The following PFKFB3 variants were observed in gnomAD, a reference collection of about 807,000 sequenced individuals.
The protein encoded by PFKFB3 is 6-phosphofructo-2-kinase/fructose-2,6-biphosphatase 3.
In PFKFB3, 33 loss-of-function variants were observed where a neutral mutation model predicts 68.0. The ratio of observed to expected loss-of-function variants is 0.49; its 90% CI spans 0.37 to 0.65. PFKFB3 has a LOEUF of 0.65. PFKFB3 is among the 30% of genes least tolerant of loss of function. The pLI is 0.00. For synonymous variants in PFKFB3, 315 were observed against 288.2 expected (o/e 1.09, Z -0.94); for missense variants, 586 against 712.2 (o/e 0.82, Z 2.02).
chr10:6,282,748 T>C, the PFKFB3 span, among the ~76,000 whole-genome samples: 4 of 152,160 alleles, frequency 2.6e-5, no homozygotes. Context: ...ATTCAGAGGT[T>C]AGTGAGTTTA....
At chr10:6,209,571 T>G (rs1844020969) in intron 1 of PFKFB3, among the ~76,000 whole-genome samples, 1 of 151,962 alleles carries the variant, frequency 6.6e-6, no homozygotes, top group Admixed American at 6.6e-5. Flanking sequence ...CCTCCCAGGT[T>G]CAAGCGATTC....
the PFKFB3 span, chr10:6,293,577 A>G: frequency 5.0e-6 from 1 of 200,818 alleles, no homozygotes. Context: ...AACTCCTGAC[A>G]TAAGGTGATC....
chr10:6,219,460 T>G lies in PFKFB3; in HGVS notation c.499-109T>G. 2.5e-6 allele frequency: 3 copies of G among 1,210,718 alleles called. No homozygotes were observed. The South Asian group carries it at 3.7e-5, about 15-fold the overall frequency. The allele number at this position is 1,210,718 out of a possible 1,614,324, so 75.0% of individuals were successfully genotyped here. On this transcript the variant is annotated intron_variant, in intron 6 of 14. Coordinates refer to ENST00000379775, the MANE Select transcript of PFKFB3 (RefSeq NM_004566.4). ...TCTTACACGCTGGGCCGGATAATCT[T>G]TATACTGAGCCTTCTGTGCGCTCCC...
the PFKFB3 span, among the ~76,000 whole-genome samples, chr10:6,300,103 T>C: frequency 1.3e-5 from 2 of 150,352 alleles, no homozygotes; most frequent in Non-Finnish European, 3.0e-5. Context: ...TTAGTACCCA[T>C]GGTTTGGCAC....
the PFKFB3 span, among the ~76,000 whole-genome samples, chr10:6,266,892 A>T: frequency 6.6e-6 from 1 of 152,266 alleles, no homozygotes; most frequent in East Asian, 1.9e-4. Context: ...TGCCTCCATT[A>T]TGCTCACAGG....
At chr10:6,182,379 C>G (rs1399536429) in intron 1 of PFKFB3, among the ~76,000 whole-genome samples, 1 of 152,290 alleles carries the variant, frequency 6.6e-6, no homozygotes, top group Middle Eastern at 3.4e-3. Context: ...GTGTCACAAA[C>G]AAGTTGTCCT....
the PFKFB3 span, among the ~76,000 whole-genome samples, chr10:6,272,202 G>A: frequency 6.6e-6 from 1 of 152,242 alleles, no homozygotes; most frequent in Non-Finnish European, 1.5e-5. Flanking sequence ...GTGAATGGCT[G>A]ATGAAGGCAG....
chr10:6,324,767 A>C, the PFKFB3 span, among the ~76,000 whole-genome samples: 1 of 152,060 alleles, frequency 6.6e-6, no homozygotes, highest in Non-Finnish European at 1.5e-5. Flanking sequence ...TATAGACTTA[A>C]AAATGGTTAA....
At chr10:6,283,157 A>G in the PFKFB3 span, among the ~76,000 whole-genome samples, 1 of 152,152 alleles carries the variant, frequency 6.6e-6, no homozygotes, top group South Asian at 2.1e-4. Context: ...TGGTAGAAAC[A>G]GGGTTTCACC....
the PFKFB3 span, among the ~76,000 whole-genome samples, chr10:6,291,640 A>G: frequency 6.6e-6 from 1 of 152,184 alleles, no homozygotes; most frequent in Non-Finnish European, 1.5e-5. Context: ...TTCAGAAGAA[A>G]GAAGTTTCCA....
rs1304611050 is a variant in PFKFB3 at position 6,203,089 on chromosome 10, G to T, written c.-172G>T. Reference sequence around the variant, plus strand: ...AGCACACGTCGAGCCCCGCACAGGCGAGGGTCCGGAACTTAGCCCAAAGCA... The same window carrying T: ...AGCACACGTCGAGCCCCGCACAGGCTAGGGTCCGGAACTTAGCCCAAAGCA... On this transcript the variant is annotated 5_prime_UTR_variant, in exon 1 of 15. Coordinates refer to ENST00000379775, the MANE Select transcript of PFKFB3 (RefSeq NM_004566.4). 6.2e-5 allele frequency: 89 copies of T among 1,433,054 alleles called. No individual in the cohort carries two copies. In the Admixed American group the frequency reaches 1.7e-3, roughly 28 times the overall value. 88.8% of individuals were successfully genotyped at this position (1,433,054 alleles called of 1,614,324 possible).
In PFKFB3 at chr10:6,219,554, T is replaced by C. The variant is rs777842917; in HGVS notation, c.499-15T>C. The C allele has an allele frequency of 6.2e-7, 1 of 1,613,928 alleles. No homozygotes were observed. The highest frequency in any genetic ancestry group is 1.1e-5 in the South Asian group (1 of 91,078). On this transcript the variant is annotated splice_polypyrimidine_tract_variant and intron_variant, in intron 6 of 14. Coordinates refer to ENST00000379775, the MANE Select transcript of PFKFB3 (RefSeq NM_004566.4). ...TCCAGCGTGATTTATCAGCCACCCCTTTGTGGTGTTGCAGGAAGTTAAAAT... is the reference window on the plus strand; with the variant it reads ...TCCAGCGTGATTTATCAGCCACCCCCTTGTGGTGTTGCAGGAAGTTAAAAT...
chr10:6,260,249 A>T, the PFKFB3 span, among the ~76,000 whole-genome samples: 1 of 151,874 alleles, frequency 6.6e-6, no homozygotes, highest in African/African-American at 2.4e-5. Flanking sequence ...CGTCTCTACT[A>T]AAAATACAAA....
Position 6,206,800 on chromosome 10 carries a change from G to A in PFKFB3, c.76+3464G>A, listed in dbSNP as rs1270729163. 2.0e-4 allele frequency among the ~76,000 whole-genome samples: 19 copies of A among 95,392 alleles called. 1 individual carries two copies. Among genetic ancestry groups the A allele is most frequent in the Non-Finnish European group, 3.3e-4 (15 of 45,128 alleles). 62.6% of individuals were successfully genotyped at this position (95,392 alleles called of 152,430 possible). A position where few individuals can be genotyped will look rare whatever the true frequency, so the allele number is the denominator to read the frequency against. ...CAGAGGGGGTCCTCACATCCCAGACGATGGGCGGCCGGGCAGAGACGCTCC... is the reference window on the plus strand; with the variant it reads ...CAGAGGGGGTCCTCACATCCCAGACAATGGGCGGCCGGGCAGAGACGCTCC... On this transcript the variant is annotated intron_variant, in intron 1 of 14. Coordinates refer to ENST00000379775, the MANE Select transcript of PFKFB3 (RefSeq NM_004566.4).
intron 1 of PFKFB3, among the ~76,000 whole-genome samples, chr10:6,152,883 A>G (rs934242829): frequency 1.3e-5 from 2 of 152,046 alleles, no homozygotes; most frequent in African/African-American, 4.8e-5. Flanking sequence ...CTTGTCTTTA[A>G]AAAAAGGAAG....
intron 1 of PFKFB3, among the ~76,000 whole-genome samples, chr10:6,169,968 T>A (rs1386687407): frequency 6.6e-6 from 1 of 152,226 alleles, no homozygotes; most frequent in Non-Finnish European, 1.5e-5. Context: ...CTGGAAAGGC[T>A]TTACTTTTCC....
chr10:6,300,836 G>A, the PFKFB3 span, among the ~76,000 whole-genome samples: 3 of 152,186 alleles, frequency 2.0e-5, no homozygotes, highest in Admixed American at 6.5e-5. Flanking sequence ...TTCTTGAGGC[G>A]ATTATGCTGT....
upstream of PFKFB3, among the ~76,000 whole-genome samples, chr10:6,198,460 GA>G (rs1387606020): frequency 1.3e-5 from 2 of 152,096 alleles, no homozygotes; most frequent in Non-Finnish European, 2.9e-5. Flanking sequence ...CTAGATTGGA[GA>G]AAAATATATG....
At chr10:6,212,300 C>T (rs1031113353) in intron 1 of PFKFB3, among the ~76,000 whole-genome samples, 3 of 152,218 alleles carry the variant, frequency 2.0e-5, no homozygotes, top group Admixed American at 2.0e-4. Context: ...ACTGGGCCCT[C>T]GGCTCCCAGA....
Sources: allele counts gnomAD v4.1 joint callset (sites outside exome capture counted in the v4.1 genomes callset), GRCh38; gene constraint gnomAD v4.1.1; transcripts MANE v1.5; gene names NCBI Gene and HGNC (gene_info 2026-07-23, HGNC 2026-07-21).